Variants in BEGAIN observed in about 807,000 individuals in gnomAD.
BEGAIN encodes the protein brain-enriched guanylate kinase-associated protein.
A neutral mutation model predicts 35.8 loss-of-function variants in BEGAIN; 19 were observed. That is an observed-to-expected ratio of 0.53 (90% CI 0.37 to 0.78). BEGAIN has a LOEUF of 0.78. Ranked by LOEUF, BEGAIN falls within the 30% of genes least tolerant of loss-of-function variation. The pLI is 0.00. For synonymous variants in BEGAIN, 462 were observed against 388.6 expected, an observed-to-expected ratio of 1.19 and a Z score of -2.22; for missense variants, 795 against 853.6, an observed-to-expected ratio of 0.93 and a Z score of 0.85.
chr14:100,543,735 T>G, intron 5 of BEGAIN, 123 bp downstream of exon 5: 2 of 752,650 alleles, frequency 2.7e-6, no homozygotes, highest in Non-Finnish European at 4.4e-6. Context: ...CCCTTGAGGC[T>G]GGGGCCAAAG....
intron 3 of BEGAIN, chr14:100,546,268 C>T (rs1203478404): frequency 3.8e-6 from 1 of 259,748 alleles, no homozygotes; most frequent in Non-Finnish European, 7.5e-6. Context: ...GACTCCCCAT[C>T]TGAGTGGAGT....
rs1035155035 is a variant in BEGAIN, at chr14:100,567,153, G to T, written c.71+758C>A. ...GGGCCTGCCGCCCACACAACGCCTC[G>T]GCTCAGGCTCCGGAAGGAAAACACG... On this transcript the variant is annotated intron_variant, in intron 2 of 6. Coordinates refer to ENST00000554140, the MANE Select transcript of BEGAIN (RefSeq NM_001385089.1). The surrounding 1 kb of genome is among the most constrained non-coding windows in gnomAD (Gnocchi z 5.1). 1.3e-5 allele frequency among the ~76,000 whole-genome samples: 2 copies of T among 152,190 alleles called. No homozygotes were observed. Among genetic ancestry groups the T allele is most frequent in the Non-Finnish European group, 2.9e-5 (2 of 68,026 alleles).
At chr14:100,583,784 C>T (rs2035376271) in intron 1 of BEGAIN, among the ~76,000 whole-genome samples, 1 of 146,720 alleles carries the variant, frequency 6.8e-6, no homozygotes. Context: ...CTCACCTCTG[C>T]CTCCTGGGTT....
At chr14:100,545,470 T>A in intron 3 of BEGAIN, 1 of 1,011,842 alleles carries the variant, frequency 9.9e-7, no homozygotes, top group Non-Finnish European at 1.2e-6. Context: ...TAACACTAAC[T>A]ATGTGATGGG....
rs116034477 is a variant in BEGAIN, at chr14:100,579,509, G to A, written c.42+7740C>T. On this transcript the variant is annotated intron_variant, in intron 1 of 6. Transcript: ENST00000554140. Reference sequence around the variant, plus strand: ...TAGACTGAAGGAAGGCTTTCCAGGGGTGGCAGCCCAGGCCCTTGGCCTGGT... The same window carrying A: ...TAGACTGAAGGAAGGCTTTCCAGGGATGGCAGCCCAGGCCCTTGGCCTGGT... 5.2e-3 allele frequency among the ~76,000 whole-genome samples: 797 copies of A among 152,338 alleles called. 8 individuals are homozygous for A. Among genetic ancestry groups the A allele is most frequent in the African/African-American group, 0.018 (762 of 41,578 alleles).
intron 5 of BEGAIN, among the ~76,000 whole-genome samples, chr14:100,542,995 GCTGGGCGCTC>G (rs142980689): frequency 0.012 from 1,827 of 152,236 alleles, 28 homozygotes; most frequent in African/African-American, 0.042. Flanking sequence ...TCCCCCTCCC[GCTGGGCGCTC>G]CTTGGCCCCT....
Position 100,546,678 on chromosome 14 carries a change from G to A in BEGAIN, c.72-16C>T, listed in dbSNP as rs1342063092. On this transcript the variant is annotated splice_polypyrimidine_tract_variant and intron_variant, in intron 2 of 6. Transcript: ENST00000554140. ...CTGCAGCGCGCTGCAACGACATGGC[G>A]GCGGCGGGCCGGGCCGCGGCGCTGA... 6.5e-7 allele frequency: 1 copy of A among 1,546,930 alleles called. No homozygotes were observed. The highest frequency in any genetic ancestry group is 1.2e-5 in the South Asian group (1 of 85,686).
rs150444261 is a variant in BEGAIN, at chr14:100,546,515, C to G, written c.219G>C (p.Thr73=). The G allele has an allele frequency of 1.9e-6, 3 of 1,558,008 alleles. No individual in the cohort carries two copies. The highest frequency in any genetic ancestry group is 1.2e-5 in the South Asian group (1 of 86,516). ...RRAQEELEKV[T]EKLRRIQSNY... ...CCGCCCCTCACCTGCGCAGCTTCTC[C>G]GTGACCTTCTCCAGTTCCTCCTGCG... Residue 73 remains threonine, a synonymous_variant, in exon 3 of 7, where the codon ACG becomes ACC. Transcript: ENST00000554140.
In BEGAIN at chr14:100,563,457, C is replaced by T. The variant is rs964514950; in HGVS notation, c.71+4454G>A. Among the ~76,000 whole-genome samples the T allele has an allele frequency of 1.1e-4, 17 of 152,356 alleles. No individual in the cohort carries two copies. The highest frequency in any genetic ancestry group is 5.9e-4 in the Admixed American group (9 of 15,306). Reference sequence around the variant, plus strand: ...GGACCGTGTGAACAGCGAGACGCGGCGTCCCCCAGGAGGTGTGGCTGCTGC... The same window carrying T: ...GGACCGTGTGAACAGCGAGACGCGGTGTCCCCCAGGAGGTGTGGCTGCTGC... On this transcript the variant is annotated intron_variant, in intron 2 of 6. Coordinates refer to ENST00000554140, the MANE Select transcript of BEGAIN (RefSeq NM_001385089.1). This position sits in a 1 kb window ranked among gnomAD's most constrained non-coding sequence, Gnocchi z 4.2.
Position 100,543,857 on chromosome 14 carries a change from C to G in BEGAIN, c.408+1G>C. On this transcript the variant is annotated splice_donor_variant, in intron 5 of 6. Transcript: ENST00000554140. LOFTEE classifies it high-confidence loss of function. ...ATGGGCCAAGTGTGTGCGGCACTCA[C>G]GTTGTCCTCTGACAGCTTGTCGATG... 1 of 1,612,032 alleles carries G rather than the reference C, an allele frequency of 6.2e-7. No homozygotes were observed. The highest frequency in any genetic ancestry group is 8.5e-7 in the Non-Finnish European group (1 of 1,178,906).
chr14:100,557,904 C>T (rs77882234), intron 2 of BEGAIN, among the ~76,000 whole-genome samples: 3 of 152,100 alleles, frequency 2.0e-5, no homozygotes, highest in Non-Finnish European at 2.9e-5. Flanking sequence ...AGGGCACTTT[C>T]GCAGATGTCA....
chr14:100,568,325 T>TAAACCA lies in BEGAIN; in HGVS notation c.43-387_43-386insTGGTTT. 1.3e-6 allele frequency: 1 copy of TAAACCA among 782,728 alleles called. No homozygotes were observed. The highest frequency in any genetic ancestry group is 1.8e-6 in the Non-Finnish European group (1 of 551,552). 48.5% of individuals were successfully genotyped at this position (782,728 alleles called of 1,614,324 possible). Reference sequence around the variant, plus strand: ...CCGCTGCTCCCCCCGCCCCGCCCGTTAACCCTTCCTGCCCCGCGCTCCCTC... The same window carrying TAAACCA: ...CCGCTGCTCCCCCCGCCCCGCCCGTTAAACCAAACCCTTCCTGCCCCGCGCTCCCTC... On this transcript the variant is annotated intron_variant, in intron 1 of 6. Coordinates refer to ENST00000554140, the MANE Select transcript of BEGAIN (RefSeq NM_001385089.1). The surrounding 1 kb of genome is among the most constrained non-coding windows in gnomAD (Gnocchi z 7.5).
chr14:100,568,772 C>T lies in BEGAIN; in HGVS notation c.43-833G>A. ...GCGGGATCGCACTTCCTGCGTGGAG[C>T]TGGGGGCGCCGGGCGGGCTCTCTAT... On this transcript the variant is annotated intron_variant, in intron 1 of 6. Coordinates refer to ENST00000554140, the MANE Select transcript of BEGAIN (RefSeq NM_001385089.1). The surrounding 1 kb of genome is among the most constrained non-coding windows in gnomAD (Gnocchi z 7.5). The T allele has an allele frequency of 2.5e-6, 2 of 786,180 alleles. No individual in the cohort carries two copies. The highest frequency in any genetic ancestry group is 3.1e-6 in the Non-Finnish European group (2 of 647,044). The allele number at this position is 786,180 out of a possible 1,614,324, so 48.7% of individuals were successfully genotyped here.
chr14:100,568,926 G>A lies in BEGAIN; in HGVS notation c.43-987C>T, dbSNP rs1253998649. On this transcript the variant is annotated intron_variant, in intron 1 of 6. Transcript: ENST00000554140. The surrounding 1 kb of genome is among the most constrained non-coding windows in gnomAD (Gnocchi z 7.5). The stretch of plus-strand genomic sequence containing the variant: ...GGGAAGACTGATGACTGCCCATCCC[G>A]GCCCCTCGCGCCGGGCGCCGCCGCC... 3.5e-5 allele frequency: 34 copies of A among 983,730 alleles called. No individual in the cohort carries two copies. The highest frequency in any genetic ancestry group is 4.0e-5 in the Non-Finnish European group (33 of 829,474). The allele number at this position is 983,730 out of a possible 1,614,324, so 60.9% of individuals were successfully genotyped here.
intron 1 of BEGAIN, among the ~76,000 whole-genome samples, chr14:100,572,018 C>T (rs943674974): frequency 2.0e-5 from 3 of 152,186 alleles, no homozygotes; most frequent in Non-Finnish European, 4.4e-5. Context: ...TTGGCCTGAA[C>T]GAATGCAGTG....
intron 2 of BEGAIN, 109 bp from the exon 3 acceptor site, chr14:100,546,771 C>G (rs974891772): frequency 2.2e-5 from 17 of 771,150 alleles, no homozygotes; most frequent in Non-Finnish European, 1.1e-5. Context: ...CCGGCGCGCG[C>G]GCGCGCGCGC....
At position 100,539,236 on chromosome 14, in the gene BEGAIN, G is replaced by C. The variant is rs538519096; in HGVS notation, c.572C>G (p.Pro191Arg). Reference sequence around the variant, plus strand: ...GGTGGGGACGCTGTCGGCGTAGGCCGGGTGGCAGAGCGGGGATGGCAGGCT... The same window carrying C: ...GGTGGGGACGCTGTCGGCGTAGGCCCGGTGGCAGAGCGGGGATGGCAGGCT... ...GCSLPSPLCH[P>R]AYADSVPTCV... The change falls in exon 7 of 7, where the codon CCG becomes CGG. Residue 191 changes from proline (P) to arginine (R), a missense_variant. Transcript: ENST00000554140. 13 of 1,589,024 alleles carry C rather than the reference G, an allele frequency of 8.2e-6. No individual in the cohort carries two copies. Among genetic ancestry groups the C allele is most frequent in the South Asian group, 3.5e-5 (3 of 86,918 alleles).
At position 100,567,876 on chromosome 14, in the gene BEGAIN, C is replaced by G. The variant is rs769727342; in HGVS notation, c.71+35G>C. On this transcript the variant is annotated intron_variant, in intron 2 of 6. Coordinates refer to ENST00000554140, the MANE Select transcript of BEGAIN (RefSeq NM_001385089.1). This position sits in a 1 kb window ranked among gnomAD's most constrained non-coding sequence, Gnocchi z 5.1. ...CAGCGCCCTCACCCCCGACCCGGCC[C>G]CCGCGAGCCGCGGCACGGGAGACGC... The G allele has an allele frequency of 6.1e-6, 9 of 1,465,572 alleles. No homozygotes were observed. In the South Asian group the frequency reaches 1.1e-4, roughly 18 times the overall value. 90.8% of individuals were successfully genotyped at this position (1,465,572 alleles called of 1,614,324 possible).
At chr14:100,560,454 G>T (rs187278224) in intron 2 of BEGAIN, among the ~76,000 whole-genome samples, 1 of 152,126 alleles carries the variant, frequency 6.6e-6, no homozygotes, top group African/African-American at 2.4e-5. Flanking sequence ...GGCCCTCACC[G>T]GGGATCCCCC....
Sources: allele counts gnomAD v4.1 joint callset (sites outside exome capture counted in the v4.1 genomes callset), GRCh38; gene constraint gnomAD v4.1.1; non-coding constraint Gnocchi (gnomAD v3.1); transcripts MANE v1.5; gene names NCBI Gene and HGNC (gene_info 2026-07-23, HGNC 2026-07-21).